RBFOX1: variants seen among roughly 807,000 people sequenced by gnomAD.
RBFOX1 encodes RNA binding fox-1 homolog 1.
A neutral mutation model predicts 57.7 loss-of-function variants in RBFOX1; 8 were observed. The observed-to-expected ratio is 0.14, with a 90% CI of 0.08 to 0.25. The LOEUF (loss-of-function observed/expected upper bound fraction) is 0.25, where lower values mean the gene tolerates loss of function less well. Ranked by LOEUF, RBFOX1 falls within the 10% of genes least tolerant of loss-of-function variation. RBFOX1 has a pLI of 1.00. For synonymous variants in RBFOX1, 326 were observed against 222.4 expected (o/e 1.47, Z -4.15); for missense variants, 611 against 548.5 (o/e 1.11, Z -1.14).
intron 3 of RBFOX1, among the ~76,000 whole-genome samples, chr16:5,784,598 G>T (rs563240051): frequency 6.6e-6 from 1 of 152,222 alleles, no homozygotes; most frequent in South Asian, 2.1e-4. Flanking sequence ...CCATCCCCAT[G>T]ATTCGCTCAC....
At chr16:6,123,174 A>G (rs1171691266) in intron 1 of RBFOX1, among the ~76,000 whole-genome samples, 2 of 152,206 alleles carry the variant, frequency 1.3e-5, no homozygotes, top group Admixed American at 6.5e-5. Context: ...GGAACTGAAA[A>G]TAGAATCTTG....
At chr16:7,179,028 A>C (rs993013590) in intron 4 of RBFOX1, among the ~76,000 whole-genome samples, 2 of 152,174 alleles carry the variant, frequency 1.3e-5, no homozygotes, top group Non-Finnish European at 2.9e-5. Flanking sequence ...AGTAGGAAGA[A>C]TAGTTCTGCT....
chr16:6,978,842 C>T (rs1336076420), intron 3 of RBFOX1, among the ~76,000 whole-genome samples: 5 of 152,192 alleles, frequency 3.3e-5, no homozygotes, highest in African/African-American at 7.2e-5. Flanking sequence ...CTTCAATCCC[C>T]TTCGCGCAGA....
intron 1 of RBFOX1, among the ~76,000 whole-genome samples, chr16:6,040,624 C>T (rs1196034962): frequency 6.6e-6 from 1 of 151,842 alleles, no homozygotes; most frequent in Non-Finnish European, 1.5e-5. Context: ...TTGAGACAGT[C>T]TTACTCTGTT....
intron 2 of RBFOX1, among the ~76,000 whole-genome samples, chr16:5,513,482 T>C (rs1260264493): frequency 3.9e-5 from 6 of 152,194 alleles, no homozygotes; most frequent in Non-Finnish European, 7.3e-5. Context: ...AATTTGCTCT[T>C]CACACACCAC....
intron 3 of RBFOX1, among the ~76,000 whole-genome samples, chr16:5,675,628 G>A (rs1474355101): frequency 2.4e-4 from 37 of 152,212 alleles, no homozygotes; most frequent in Admixed American, 2.3e-3. Flanking sequence ...TTCTTGGATG[G>A]CTTCCGCGTG....
In RBFOX1 at chr16:7,114,658, C is replaced by T. The variant is rs79772484; in HGVS notation, c.27+62560C>T. On this transcript the variant is annotated intron_variant, in intron 4 of 15. Coordinates refer to ENST00000550418, the MANE Select transcript of RBFOX1 (RefSeq NM_018723.4). ...TTTCTTCCTGGGCTGAGAAGTGCCT[C>T]ATGCCTTCTTCCCCTGCCTCTCTGG... 5.9e-3 allele frequency among the ~76,000 whole-genome samples: 893 copies of T among 152,284 alleles called. 27 individuals are homozygous for T. Among genetic ancestry groups the T allele is most frequent in the Admixed American group, 0.042 (647 of 15,294 alleles).
intron 2 of RBFOX1, among the ~76,000 whole-genome samples, chr16:6,470,823 C>T (rs543313387): frequency 6.6e-6 from 1 of 152,110 alleles, no homozygotes; most frequent in South Asian, 2.1e-4. Context: ...TTATACATGT[C>T]TTCTAGTGTT....
intron 4 of RBFOX1, among the ~76,000 whole-genome samples, chr16:7,230,761 A>G (rs960057933): frequency 6.6e-6 from 1 of 152,156 alleles, no homozygotes; most frequent in Non-Finnish European, 1.5e-5. Context: ...GAATTTACAC[A>G]ACTGAATTTC....
intron 3 of RBFOX1, among the ~76,000 whole-genome samples, chr16:5,737,451 A>G (rs757736000): frequency 2.0e-5 from 3 of 151,986 alleles, no homozygotes; most frequent in Non-Finnish European, 4.4e-5. Flanking sequence ...ATGCTGCTAC[A>G]CTGCAGCGTG....
At chr16:6,067,867 C>T (rs1489861750) in intron 1 of RBFOX1, among the ~76,000 whole-genome samples, 1 of 152,206 alleles carries the variant, frequency 6.6e-6, no homozygotes, top group Non-Finnish European at 1.5e-5. Context: ...TTTCTAGACA[C>T]TTAAGCATAT....
intron 2 of RBFOX1, among the ~76,000 whole-genome samples, chr16:5,476,021 T>C (rs1402727336): frequency 6.6e-6 from 1 of 152,094 alleles, no homozygotes; most frequent in Non-Finnish European, 1.5e-5. Context: ...AATGTATTTA[T>C]ACCAAGCAGC....
chr16:7,486,806 A>G (rs952279032), intron 4 of RBFOX1, among the ~76,000 whole-genome samples: 3 of 152,126 alleles, frequency 2.0e-5, no homozygotes, highest in African/African-American at 7.2e-5. Flanking sequence ...GGGTTCCAAC[A>G]TTGCCTGCCT....
At chr16:7,568,747 C>T (rs1340606018) in intron 5 of RBFOX1, among the ~76,000 whole-genome samples, 1 of 151,746 alleles carries the variant, frequency 6.6e-6, no homozygotes, top group East Asian at 1.9e-4. Flanking sequence ...ATTAGCCGGG[C>T]ATGGTGGCGG....
chr16:6,044,035 C>A (rs1399706066), intron 1 of RBFOX1, among the ~76,000 whole-genome samples: 2 of 152,154 alleles, frequency 1.3e-5, no homozygotes, highest in African/African-American at 2.4e-5. Flanking sequence ...TCTGCCTACA[C>A]CTTTGAAAAC....
intron 4 of RBFOX1, among the ~76,000 whole-genome samples, chr16:7,284,681 T>C (rs1188561894): frequency 2.6e-5 from 4 of 152,156 alleles, no homozygotes; most frequent in Non-Finnish European, 5.9e-5. Context: ...GACAGAGTGG[T>C]AGTTTCGGTG....
intron 12 of RBFOX1, among the ~76,000 whole-genome samples, chr16:7,660,702 A>G (rs1002718222): frequency 6.6e-6 from 1 of 152,202 alleles, no homozygotes; most frequent in Non-Finnish European, 1.5e-5. Flanking sequence ...CATCCGCATC[A>G]TCTGTTAACT....
At chr16:6,196,380 C>T (rs985868357) in intron 1 of RBFOX1, among the ~76,000 whole-genome samples, 2 of 152,150 alleles carry the variant, frequency 1.3e-5, no homozygotes, top group Admixed American at 6.6e-5. Flanking sequence ...ATGAAATTGA[C>T]AGGATAACAT....
intron 1 of RBFOX1, among the ~76,000 whole-genome samples, chr16:6,123,366 C>T (rs1406738068): frequency 6.6e-6 from 1 of 152,070 alleles, no homozygotes; most frequent in Non-Finnish European, 1.5e-5. Flanking sequence ...TATGGATGAA[C>T]CTTGCAAACA....
Sources: allele counts gnomAD v4.1 joint callset (sites outside exome capture counted in the v4.1 genomes callset), GRCh38; gene constraint gnomAD v4.1.1; transcripts MANE v1.5; gene names NCBI Gene and HGNC (gene_info 2026-07-23, HGNC 2026-07-21).